TNFSF4: variants seen among roughly 807,000 people sequenced by gnomAD.
TNFSF4 encodes TNF superfamily member 4, also known as tumor necrosis factor ligand superfamily member 4.
A neutral mutation model predicts 7.3 loss-of-function variants in TNFSF4; 4 were observed. That is an observed-to-expected ratio of 0.55 (90% CI 0.27 to 1.25). The LOEUF (loss-of-function observed/expected upper bound fraction) is 1.25, where lower values mean the gene tolerates loss of function less well. Ranked by LOEUF, TNFSF4 falls within the 50% of genes most tolerant of loss-of-function variation. The pLI is 0.12. For synonymous variants in TNFSF4, 76 were observed against 83.7 expected, an observed-to-expected ratio of 0.91 and a Z score of 0.50; for missense variants, 181 against 208.8, an observed-to-expected ratio of 0.87 and a Z score of 0.82.
chr1:173,321,014 TA>T, the TNFSF4 span, among the ~76,000 whole-genome samples: 2 of 152,204 alleles, frequency 1.3e-5, no homozygotes, highest in African/African-American at 2.4e-5. Context: ...AGAGCCCATA[TA>T]GCCAAGAAAA....
At chr1:173,229,267 G>A in the TNFSF4 span, among the ~76,000 whole-genome samples, 4 of 152,138 alleles carry the variant, frequency 2.6e-5, no homozygotes, top group African/African-American at 7.2e-5. Context: ...AAGAGAGTGG[G>A]GGCCAATATT....
At chr1:173,408,596 G>T in the TNFSF4 span, among the ~76,000 whole-genome samples, 1 of 149,086 alleles carries the variant, frequency 6.7e-6, no homozygotes, top group Non-Finnish European at 1.5e-5. Flanking sequence ...GAATGGAGTT[G>T]TTTTTTTTTT....
the TNFSF4 span, among the ~76,000 whole-genome samples, chr1:173,387,211 T>A: frequency 2.0e-5 from 3 of 152,256 alleles, no homozygotes; most frequent in African/African-American, 7.2e-5. Context: ...TGCATGTTTG[T>A]GTTCCCTTCA....
chr1:173,378,870 A>C, the TNFSF4 span, among the ~76,000 whole-genome samples: 15 of 147,314 alleles, frequency 1.0e-4, no homozygotes, highest in South Asian at 2.2e-4. Context: ...GACCACAAGA[A>C]CCCCCCTCCC....
chr1:173,201,761 A>G (rs974571980), intron 1 of TNFSF4, among the ~76,000 whole-genome samples: 15 of 152,154 alleles, frequency 9.9e-5, no homozygotes, highest in African/African-American at 3.4e-4. Flanking sequence ...GTTTGAAAAG[A>G]TTGGTTATCA....
At chr1:173,364,908 T>C in the TNFSF4 span, among the ~76,000 whole-genome samples, 1 of 151,930 alleles carries the variant, frequency 6.6e-6, no homozygotes, top group Non-Finnish European at 1.5e-5. Flanking sequence ...GGTATAAGGC[T>C]AAATATTTAG....
the TNFSF4 span, among the ~76,000 whole-genome samples, chr1:173,390,379 C>G: frequency 6.6e-6 from 1 of 152,182 alleles, no homozygotes; most frequent in African/African-American, 2.4e-5. Flanking sequence ...TTGAGACCTA[C>G]AACCTTTCCA....
the TNFSF4 span, among the ~76,000 whole-genome samples, chr1:173,322,482 C>G: frequency 2.0e-5 from 3 of 152,126 alleles, no homozygotes. Flanking sequence ...ACGGTGATTT[C>G]TGCATTTCCA....
chr1:173,295,731 T>C, the TNFSF4 span, among the ~76,000 whole-genome samples: 1 of 152,022 alleles, frequency 6.6e-6, no homozygotes, highest in East Asian at 1.9e-4. Context: ...TTATCCCTTC[T>C]TAAAATGAGC....
At chr1:173,435,679 G>C in the TNFSF4 span, among the ~76,000 whole-genome samples, 1 of 152,214 alleles carries the variant, frequency 6.6e-6, no homozygotes, top group South Asian at 2.1e-4. Context: ...AACTAATACA[G>C]TATGCAATCA....
the TNFSF4 span, among the ~76,000 whole-genome samples, chr1:173,266,379 C>T: frequency 2.0e-5 from 3 of 152,060 alleles, no homozygotes; most frequent in African/African-American, 7.2e-5. Context: ...AATGGGATAG[C>T]CTCCCACCAA....
At chr1:173,214,121 T>A in the TNFSF4 span, among the ~76,000 whole-genome samples, 2 of 152,096 alleles carry the variant, frequency 1.3e-5, no homozygotes, top group African/African-American at 4.8e-5. Context: ...ACTCTCTGAG[T>A]TTTTGCATAT....
chr1:173,205,652 A>G, intron 1 of TNFSF4: 1 of 947,230 alleles, frequency 1.1e-6, no homozygotes, highest in Non-Finnish European at 1.3e-6. Flanking sequence ...CAGCTGTTCT[A>G]TATTTGGTTA....
the TNFSF4 span, among the ~76,000 whole-genome samples, chr1:173,390,592 C>G: frequency 1.3e-5 from 2 of 151,764 alleles, no homozygotes; most frequent in Admixed American, 1.3e-4. Flanking sequence ...AGTGTAGGTC[C>G]CCTAAGACAA....
the TNFSF4 span, among the ~76,000 whole-genome samples, chr1:173,330,354 TAATA>T: frequency 4.6e-5 from 7 of 151,076 alleles, no homozygotes; most frequent in Non-Finnish European, 1.0e-4. Context: ...TATGTTTTGT[TAATA>T]AATTATTAAT....
At chr1:173,427,993 C>A in the TNFSF4 span, among the ~76,000 whole-genome samples, 21 of 150,352 alleles carry the variant, frequency 1.4e-4, no homozygotes, top group Admixed American at 1.4e-3. Context: ...TGCTTTGTTG[C>A]CCAAGCTGAA....
the TNFSF4 span, among the ~76,000 whole-genome samples, chr1:173,370,553 C>T: frequency 6.6e-6 from 1 of 152,202 alleles, no homozygotes; most frequent in Non-Finnish European, 1.5e-5. Context: ...CCTCAAGTGG[C>T]TATGGGAGGC....
chr1:173,239,401 G>C, the TNFSF4 span, among the ~76,000 whole-genome samples: 4 of 152,306 alleles, frequency 2.6e-5, no homozygotes, highest in African/African-American at 9.6e-5. Context: ...GTTAAACGCA[G>C]GGCATAGGAA....
At chr1:173,402,953 AG>A in the TNFSF4 span, among the ~76,000 whole-genome samples, 2 of 152,110 alleles carry the variant, frequency 1.3e-5, no homozygotes, top group Admixed American at 1.3e-4. Flanking sequence ...CCCAGGCTCA[AG>A]TGATCCTCCA....
Sources: gnomAD v4.1 joint callset for allele counts (sites outside exome capture counted in the v4.1 genomes callset) on GRCh38, gnomAD v4.1.1 for gene constraint, MANE v1.5 for transcripts, NCBI Gene and HGNC (gene_info 2026-07-23, HGNC 2026-07-21) for gene names.